Variants in RAB37 observed in about 807,000 individuals in gnomAD.
The protein encoded by RAB37 is ras-related protein Rab-37.
Under a neutral mutation model 33.1 loss-of-function variants are expected in RAB37, and 29 were observed. That is an observed-to-expected ratio of 0.88 (90% CI 0.65 to 1.20). The LOEUF (loss-of-function observed/expected upper bound fraction) is 1.20, where lower values mean the gene tolerates loss of function less well. Among genes scored for constraint, RAB37 ranks in the 50% most tolerant of loss-of-function variants. The pLI is 0.00. For synonymous variants in RAB37, 128 were observed against 119.5 expected, an observed-to-expected ratio of 1.07 and a Z score of -0.47; for missense variants, 299 against 301.1, an observed-to-expected ratio of 0.99 and a Z score of 0.05.
Position 74,744,382 on chromosome 17 carries a change from C to T in RAB37, c.432+9C>T, listed in dbSNP as rs541154751. 52 of 1,613,972 alleles carry T rather than the reference C, an allele frequency of 3.2e-5. 1 individual carries two copies. The South Asian group carries it at 5.6e-4, about 17-fold the overall frequency. On this transcript the variant is annotated intron_variant, in intron 6 of 8. Transcript: ENST00000392613. The surrounding 1 kb of genome is among the most constrained non-coding windows in gnomAD (Gnocchi z 4.2). The stretch of plus-strand genomic sequence containing the variant: ...TGCTGCTAGGCAACAAGGTGAGTGG[C>T]TCCGGGGCAGGGTCAGCCCAGCCCT...
Position 74,744,404 on chromosome 17 carries a change from C to T in RAB37, c.432+31C>T. 1 of 1,606,992 alleles carries T rather than the reference C, an allele frequency of 6.2e-7. No individual in the cohort carries two copies. ...TGGCTCCGGGGCAGGGTCAGCCCAG[C>T]CCTGCACTTCCTCAGCCCTAGCCGG... On this transcript the variant is annotated intron_variant, in intron 6 of 8. Transcript: ENST00000392613. This position sits in a 1 kb window ranked among gnomAD's most constrained non-coding sequence, Gnocchi z 4.2.
At chr17:74,724,646 G>T (rs141474138) in intron 1 of RAB37, among the ~76,000 whole-genome samples, 11 of 152,346 alleles carry the variant, frequency 7.2e-5, no homozygotes, top group African/African-American at 2.6e-4. Context: ...CAGGTTTGGG[G>T]ATAGGCAGTG....
At position 74,745,421 on chromosome 17, in the gene RAB37, G is replaced by C. The variant is rs745572852; in HGVS notation, c.*10G>C. The C allele has an allele frequency of 6.2e-7, 1 of 1,607,848 alleles. No homozygotes were observed. Among genetic ancestry groups the C allele is most frequent in the South Asian group, 1.1e-5 (1 of 90,954 alleles). Reference sequence around the variant, plus strand: ...CTGCTCCTTCATGTGAATCCCAGGGGGCAGAGAGGAGGCTCTGGAGGCACA... The same window carrying C: ...CTGCTCCTTCATGTGAATCCCAGGGCGCAGAGAGGAGGCTCTGGAGGCACA... On this transcript the variant is annotated 3_prime_UTR_variant, in exon 9 of 9. Transcript: ENST00000392613. This position sits in a 1 kb window ranked among gnomAD's most constrained non-coding sequence, Gnocchi z 4.5.
chr17:74,699,396 C>T (rs766519694), intron 1 of RAB37, among the ~76,000 whole-genome samples: 3 of 152,074 alleles, frequency 2.0e-5, no homozygotes, highest in African/African-American at 7.2e-5. Flanking sequence ...CACTCAGACC[C>T]GTGAATGTGA....
Position 74,730,047 on chromosome 17 carries a change from C to T in RAB37, c.183+681C>T, listed in dbSNP as rs910126155. 1.3e-5 allele frequency among the ~76,000 whole-genome samples: 2 copies of T among 152,132 alleles called. No homozygotes were observed. Among genetic ancestry groups the T allele is most frequent in the African/African-American group, 2.4e-5 (1 of 41,442 alleles). Reference sequence around the variant, plus strand: ...GCTTTTTCTGCCCGCAGCCCCTCTGCGAGACAAGGGATCCCTCCTTTACCA... The same window carrying T: ...GCTTTTTCTGCCCGCAGCCCCTCTGTGAGACAAGGGATCCCTCCTTTACCA... On this transcript the variant is annotated intron_variant, in intron 2 of 7. Transcript: ENST00000340415. This position sits in a 1 kb window ranked among gnomAD's most constrained non-coding sequence, Gnocchi z 4.4.
chr17:74,680,547 G>C (rs543376434), intron 1 of RAB37, among the ~76,000 whole-genome samples: 1 of 152,276 alleles, frequency 6.6e-6, no homozygotes, highest in African/African-American at 2.4e-5. Flanking sequence ...ACATGAGTTG[G>C]TAGCTGGCTA....
rs770943177 is a variant in RAB37 at position 74,671,639 on chromosome 17, A to G, written c.53A>G (p.Asn18Ser). 5 of 1,614,220 alleles carry G rather than the reference A, an allele frequency of 3.1e-6. No homozygotes were observed. Among genetic ancestry groups the G allele is most frequent in the Non-Finnish European group, 4.2e-6 (5 of 1,180,024 alleles). Reference sequence around the variant, plus strand: ...CAGGGAGGAGCTGGCCCTGACTTCAACGACCACGTCCTGCATAAGGTAAAC... The same window carrying G: ...CAGGGAGGAGCTGGCCCTGACTTCAGCGACCACGTCCTGCATAAGGTAAAC... The change falls in exon 1 of 8, where the codon AAC becomes AGC. Residue 18 changes from asparagine to serine, a missense_variant. Physicochemically the swap from Asn to Ser is conservative, Grantham distance 46. Transcript: ENST00000340415. The surrounding 1 kb of genome is among the most constrained non-coding windows in gnomAD (Gnocchi z 5.0).
Position 74,745,242 on chromosome 17 carries a change from G to C in RAB37, c.567-64G>C. 3 of 1,555,904 alleles carry C rather than the reference G, an allele frequency of 1.9e-6. No individual in the cohort carries two copies. The highest frequency in any genetic ancestry group is 2.7e-6 in the Non-Finnish European group (3 of 1,128,228). ...CACTGGGCCACTGGGAGAGGGGAGG[G>C]GGCGGCTCAGCTCCTCACCCCAGCC... On this transcript the variant is annotated intron_variant, in intron 8 of 8. Coordinates refer to ENST00000392613, the MANE Select transcript of RAB37 (RefSeq NM_001006638.3). The surrounding 1 kb of genome is among the most constrained non-coding windows in gnomAD (Gnocchi z 4.5).
chr17:74,719,049 G>A (rs1414072524), intron 1 of RAB37, among the ~76,000 whole-genome samples: 1 of 152,192 alleles, frequency 6.6e-6, no homozygotes, highest in Non-Finnish European at 1.5e-5. Context: ...CAGTGTTAAT[G>A]TGAACCTAGA....
At chr17:74,728,663 T>C (rs1567809804) in intron 1 of RAB37, among the ~76,000 whole-genome samples, 1 of 151,738 alleles carries the variant, frequency 6.6e-6, no homozygotes, top group African/African-American at 2.4e-5. Context: ...GTGCTCTGTG[T>C]ATGCATATGT....
At chr17:74,686,737 G>A (rs1247048186) in intron 1 of RAB37, among the ~76,000 whole-genome samples, 1 of 152,044 alleles carries the variant, frequency 6.6e-6, no homozygotes, top group African/African-American at 2.4e-5. Flanking sequence ...CATCTCCACT[G>A]GTTCTTTCCC....
In RAB37 at chr17:74,738,034, G is replaced by A. The variant is rs2034522115; in HGVS notation, c.93+669G>A. On this transcript the variant is annotated intron_variant, in intron 1 of 8. Transcript: ENST00000392613. The surrounding 1 kb of genome is among the most constrained non-coding windows in gnomAD (Gnocchi z 5.0). ...GCTCCAGGGCTGCTCTCTGGGGCTT[G>A]CTCCCTCTACAGGGGTGTCCTGTAT... is the stretch of plus-strand genomic sequence containing the variant. Among the ~76,000 whole-genome samples the A allele has an allele frequency of 6.6e-6, 1 of 152,166 alleles. No homozygotes were observed. Among genetic ancestry groups the A allele is most frequent in the African/African-American group, 2.4e-5 (1 of 41,436 alleles).
chr17:74,725,716 C>G (rs1205098998), intron 1 of RAB37, among the ~76,000 whole-genome samples: 1 of 151,886 alleles, frequency 6.6e-6, no homozygotes, highest in East Asian at 2.0e-4. Flanking sequence ...CTCCACCACC[C>G]GGGTTCAAGG....
At chr17:74,705,623 G>A (rs758877990) in intron 1 of RAB37, among the ~76,000 whole-genome samples, 6 of 150,252 alleles carry the variant, frequency 4.0e-5, no homozygotes, top group East Asian at 3.9e-4. Flanking sequence ...TCACTCTGTC[G>A]CCCAGGCTGG....
chr17:74,740,767 G>A lies in RAB37; in HGVS notation c.94-1G>A, dbSNP rs756998717. On this transcript the variant is annotated splice_acceptor_variant, in intron 1 of 8. Transcript: ENST00000392613. LOFTEE classifies it high-confidence loss of function. ...TAACTGCCTCTGCCCCTACCCCCTAGGTGATGCTTCTGGGAGACACAGGCG... is the reference window on the plus strand; with the variant it reads ...TAACTGCCTCTGCCCCTACCCCCTAAGTGATGCTTCTGGGAGACACAGGCG... 1.2e-6 allele frequency: 2 copies of A among 1,611,512 alleles called. No homozygotes were observed. The highest frequency in any genetic ancestry group is 3.3e-5 in the Admixed American group (2 of 60,022).
Position 74,744,480 on chromosome 17 carries a change from T to G in RAB37, c.432+107T>G, listed in dbSNP as rs745811145. On this transcript the variant is annotated intron_variant, in intron 6 of 8. Transcript: ENST00000392613. The surrounding 1 kb of genome is among the most constrained non-coding windows in gnomAD (Gnocchi z 4.2). ...TCTAGGCATCCTTCCTGAAAAGGACTCTGCAGCCTCCAGCTCAGGGGTCAG... is the reference window on the plus strand; with the variant it reads ...TCTAGGCATCCTTCCTGAAAAGGACGCTGCAGCCTCCAGCTCAGGGGTCAG... 2.8e-6 allele frequency: 3 copies of G among 1,057,002 alleles called. No homozygotes were observed. Among genetic ancestry groups the G allele is most frequent in the Non-Finnish European group, 2.9e-6 (2 of 685,770 alleles). 65.5% of individuals were successfully genotyped at this position (1,057,002 alleles called of 1,614,324 possible).
chr17:74,740,782 A>G lies in RAB37; in HGVS notation c.108A>G (p.Gly36=), dbSNP rs2034593803. 3 of 1,613,740 alleles carry G rather than the reference A, an allele frequency of 1.9e-6. No individual in the cohort carries two copies. The South Asian group carries it at 3.3e-5, about 18-fold the overall frequency. Residue 36 remains glycine (G), a synonymous_variant, in exon 2 of 9, where the codon GGA becomes GGG. Transcript: ENST00000392613. ...CTACCCCCTAGGTGATGCTTCTGGG[A>G]GACACAGGCGTCGGCAAAACATGTT... The part of the protein sequence containing the change: ...YDLTGKVMLL[G]DTGVGKTCFL...
At chr17:74,710,655 T>A (rs2033881208) in intron 1 of RAB37, among the ~76,000 whole-genome samples, 1 of 150,528 alleles carries the variant, frequency 6.6e-6, no homozygotes, top group Non-Finnish European at 1.5e-5. Context: ...GGTCAGGAGT[T>A]CGAGACCAGC....
intron 1 of RAB37, among the ~76,000 whole-genome samples, chr17:74,724,346 C>T (rs972253851): frequency 6.6e-6 from 1 of 152,214 alleles, no homozygotes; most frequent in African/African-American, 2.4e-5. Context: ...TCCAATGAGC[C>T]TTTCCAAAGG....
Sources: gnomAD v4.1 joint callset for allele counts (sites outside exome capture counted in the v4.1 genomes callset) on GRCh38, gnomAD v4.1.1 for gene constraint, Gnocchi (gnomAD v3.1) non-coding constraint, MANE v1.5 for transcripts, NCBI Gene and HGNC (gene_info 2026-07-23, HGNC 2026-07-21) for gene names.